Variants in GPBP1 observed in about 807,000 individuals in gnomAD.
GPBP1 encodes vasculin.
In GPBP1, 13 loss-of-function variants were observed where a neutral mutation model predicts 56.5. The observed-to-expected ratio is 0.23, with a 90% CI of 0.15 to 0.37. The LOEUF is 0.37. Among genes scored for constraint, GPBP1 ranks in the 10% least tolerant of loss-of-function variants. GPBP1 has a pLI of 1.00. For missense variants in GPBP1, 477 were observed against 572.3 expected (o/e 0.83, Z 1.70); for synonymous variants, 204 against 188.9 (o/e 1.08, Z -0.66).
At chr5:57,175,032 C>G (rs1404572474) in intron 1 of GPBP1, among the ~76,000 whole-genome samples, 3 of 152,176 alleles carry the variant, frequency 2.0e-5, no homozygotes, top group Non-Finnish European at 4.4e-5. Flanking sequence ...GAGTTACATT[C>G]GCTAATACTC....
Position 57,175,451 on chromosome 5 carries a change from A to G in GPBP1, c.-1007A>G. Reference sequence around the variant, plus strand: ...ATTTTTTTTATAACTTTTACAGGTGATTGAATTACTCAGATATGAAGATCA... The same window carrying G: ...ATTTTTTTTATAACTTTTACAGGTGGTTGAATTACTCAGATATGAAGATCA... On this transcript the variant is annotated 5_prime_UTR_variant, in exon 2 of 12. Transcript: ENST00000506184. The G allele has an allele frequency of 5.0e-6, 2 of 398,528 alleles. No individual in the cohort carries two copies. Among genetic ancestry groups the G allele is most frequent in the Non-Finnish European group, 8.8e-6 (2 of 226,050 alleles). The allele number at this position is 398,528 out of a possible 1,614,324, so 24.7% of individuals were successfully genotyped here. A position where few individuals can be genotyped will look rare whatever the true frequency, so the allele number is the denominator to read the frequency against.
intron 6 of GPBP1, among the ~76,000 whole-genome samples, chr5:57,243,413 C>T (rs1740927197): frequency 6.6e-6 from 1 of 152,078 alleles, no homozygotes; most frequent in African/African-American, 2.4e-5. Context: ...CTCCCCTTTC[C>T]TCTCAGTCCC....
Position 57,208,141 on chromosome 5 carries a change from G to A in GPBP1, c.-57-5933G>A, listed in dbSNP as rs143219967. On this transcript the variant is annotated intron_variant, in intron 2 of 11. Transcript: ENST00000506184. Reference sequence around the variant, plus strand: ...GGGACCATGCCCTTCCCTTCCCAGCGCTTGCCTGCACACTTCTGTATCAGT... The same window carrying A: ...GGGACCATGCCCTTCCCTTCCCAGCACTTGCCTGCACACTTCTGTATCAGT... Among the ~76,000 whole-genome samples the A allele has an allele frequency of 8.1e-3, 1,236 of 152,114 alleles. 38 individuals carry two copies. The highest frequency in any genetic ancestry group is 0.057 in the Admixed American group (869 of 15,260).
At chr5:57,208,272 T>A (rs1755322306) in intron 2 of GPBP1, among the ~76,000 whole-genome samples, 1 of 152,156 alleles carries the variant, frequency 6.6e-6, no homozygotes, top group Non-Finnish European at 1.5e-5. Flanking sequence ...CTCATTTTGT[T>A]GCTCAGGCTG....
chr5:57,237,005 G>A (rs1756688583), intron 6 of GPBP1: 1 of 684,670 alleles, frequency 1.5e-6, no homozygotes, highest in East Asian at 3.0e-5. Context: ...CTTTATTTAA[G>A]GGCTTTTTGA....
At chr5:57,185,702 T>G (rs181201407) in intron 2 of GPBP1, among the ~76,000 whole-genome samples, 343 of 149,466 alleles carry the variant, frequency 2.3e-3, no homozygotes, top group African/African-American at 8.0e-3. Context: ...TTTGCCTGTT[T>G]AAAAAAAAAA....
At chr5:57,219,375 CA>C (rs869152603) in intron 3 of GPBP1, among the ~76,000 whole-genome samples, 522 of 35,222 alleles carry the variant, frequency 0.015, 6 homozygotes, top group African/African-American at 0.022. Flanking sequence ...GACTCTGTCT[CA>C]AAAAAAAAAA....
At chr5:57,257,500 C>T (rs993830694) in intron 10 of GPBP1, among the ~76,000 whole-genome samples, 2 of 152,216 alleles carry the variant, frequency 1.3e-5, no homozygotes, top group Non-Finnish European at 2.9e-5. Context: ...CTTGTTTAAG[C>T]AGACACCAAA....
intron 3 of GPBP1, among the ~76,000 whole-genome samples, chr5:57,215,893 C>T (rs2080846): frequency 0.64 from 96,170 of 150,080 alleles, 31,226 homozygotes; most frequent in East Asian, 0.98. Flanking sequence ...CTTATTTTCT[C>T]ACTACCAGTA....
At chr5:57,217,211 G>A (rs1373828033) in intron 3 of GPBP1, among the ~76,000 whole-genome samples, 2 of 151,876 alleles carry the variant, frequency 1.3e-5, no homozygotes, top group African/African-American at 2.4e-5. Context: ...AATTTTTTTG[G>A]TCAAGTTATT....
chr5:57,247,582 G>C (rs748689139), intron 8 of GPBP1, among the ~76,000 whole-genome samples: 2 of 152,046 alleles, frequency 1.3e-5, no homozygotes, highest in Non-Finnish European at 2.9e-5. Context: ...ATCTTGGGAG[G>C]CTGTTGTGGG....
At position 57,241,970 on chromosome 5, in the gene GPBP1, G is replaced by A. The variant is rs545892381; in HGVS notation, c.479-4330G>A. 3.9e-5 allele frequency among the ~76,000 whole-genome samples: 6 copies of A among 152,232 alleles called. No homozygotes were observed. The South Asian group carries it at 1.2e-3, about 32-fold the overall frequency. ...GCCAATTTTTAAATAATATAAAATG[G>A]GGATACATGATGCAAATTAATTCTT... On this transcript the variant is annotated intron_variant, in intron 6 of 11. Transcript: ENST00000506184.
intron 3 of GPBP1, among the ~76,000 whole-genome samples, chr5:57,216,479 T>G (rs550571322): frequency 1.3e-5 from 2 of 152,128 alleles, no homozygotes; most frequent in Admixed American, 6.6e-5. Flanking sequence ...CCCAGCACTT[T>G]GGGAGGCACA....
intron 3 of GPBP1, among the ~76,000 whole-genome samples, chr5:57,218,532 G>C (rs1580021679): frequency 6.6e-6 from 1 of 152,176 alleles, no homozygotes; most frequent in South Asian, 2.1e-4. Flanking sequence ...GCACTTTCAT[G>C]TGTTCAGCAA....
At chr5:57,180,080 TAAGC>T (rs544301055) in intron 2 of GPBP1, among the ~76,000 whole-genome samples, 317 of 152,088 alleles carry the variant, frequency 2.1e-3, no homozygotes, top group African/African-American at 6.8e-3. Context: ...GAAAGTAAAA[TAAGC>T]AAGTGAGGAT....
intron 3 of GPBP1, among the ~76,000 whole-genome samples, chr5:57,218,843 TGAAAAA>T (rs1046063802): frequency 3.3e-5 from 5 of 152,212 alleles, no homozygotes; most frequent in African/African-American, 1.2e-4. Flanking sequence ...CCATATGTGT[TGAAAAA>T]GATACACTTA....
At chr5:57,226,940 C>G (rs886211601) in intron 3 of GPBP1, among the ~76,000 whole-genome samples, 1 of 151,916 alleles carries the variant, frequency 6.6e-6, no homozygotes, top group South Asian at 2.1e-4. Flanking sequence ...GGGGTTTCAC[C>G]ATGTTAGCCA....
At chr5:57,212,823 C>T (rs1755549249) in intron 2 of GPBP1, among the ~76,000 whole-genome samples, 1 of 151,748 alleles carries the variant, frequency 6.6e-6, no homozygotes, top group African/African-American at 2.4e-5. Flanking sequence ...GCGCACACCA[C>T]CACACCTAGC....
chr5:57,175,727 T>A lies in GPBP1; in HGVS notation c.-731T>A, dbSNP rs1753766228. The A allele has an allele frequency of 7.6e-6, 3 of 396,344 alleles. No individual in the cohort carries two copies. Among genetic ancestry groups the A allele is most frequent in the African/African-American group, 4.1e-5 (2 of 48,608 alleles). The allele number at this position is 396,344 out of a possible 1,614,324, so 24.6% of individuals were successfully genotyped here. ...AGCTGGTGGTAATTTTTGCCTCCCC[T>A]TCCCCCACCCCGTTGTTGGGGTTCT... On this transcript the variant is annotated 5_prime_UTR_variant, in exon 2 of 12. Coordinates refer to ENST00000506184, the MANE Select transcript of GPBP1 (RefSeq NM_022913.4).
Sources: allele counts gnomAD v4.1 joint callset (sites outside exome capture counted in the v4.1 genomes callset), GRCh38; gene constraint gnomAD v4.1.1; transcripts MANE v1.5; gene names NCBI Gene and HGNC (gene_info 2026-07-23, HGNC 2026-07-21).